The following POLA2 variants were observed in gnomAD, a reference collection of about 807,000 sequenced individuals.
The protein encoded by POLA2 is DNA polymerase alpha 2, accessory subunit.
POLA2 carries 47 observed loss-of-function variants against 82.8 expected under a neutral mutation model. The observed-to-expected ratio is 0.57, with a 90% CI of 0.45 to 0.72. The LOEUF (loss-of-function observed/expected upper bound fraction) is 0.72, where lower values mean the gene tolerates loss of function less well. Among genes scored for constraint, POLA2 ranks in the 30% least tolerant of loss-of-function variants. The probability of loss-of-function intolerance (pLI) is 0.00; values close to 1 mark genes in which losing one functional copy is unlikely to be tolerated. For missense variants in POLA2, 634 were observed against 728.1 expected, an observed-to-expected ratio of 0.87 and a Z score of 1.49; for synonymous variants, 287 against 286.8, an observed-to-expected ratio of 1.00 and a Z score of -0.01.
At chr11:65,266,481 G>A (rs1364224956) in intron 1 of POLA2, 101 bp from the exon 2 acceptor site, 4 of 1,261,282 alleles carry the variant, frequency 3.2e-6, no homozygotes, top group Non-Finnish European at 4.5e-6. Context: ...AATAGATTCT[G>A]AATAAACATT....
intron 11 of POLA2, 144 bp from the exon 12 acceptor site, chr11:65,288,906 C>G (rs1949726202): frequency 6.8e-6 from 5 of 732,952 alleles, no homozygotes; most frequent in Non-Finnish European, 9.1e-6. Flanking sequence ...AGCCCATCTG[C>G]TAACTGTCCC....
intron 13 of POLA2, among the ~76,000 whole-genome samples, chr11:65,292,841 G>A (rs1370316166): frequency 6.6e-6 from 1 of 152,230 alleles, no homozygotes; most frequent in Non-Finnish European, 1.5e-5. Context: ...AAGAGACAGA[G>A]ATGGAAGTGA....
intron 13 of POLA2, among the ~76,000 whole-genome samples, chr11:65,291,927 G>A (rs1330204733): frequency 6.6e-6 from 1 of 152,194 alleles, no homozygotes; most frequent in South Asian, 2.1e-4. Context: ...AGAGCATTAA[G>A]CTGAGTCATC....
At chr11:65,279,823 T>C (rs1949621562) in intron 7 of POLA2, 197 bp downstream of exon 7, 1 of 535,266 alleles carries the variant, frequency 1.9e-6, no homozygotes, top group East Asian at 3.2e-5. Context: ...AGAGAGTGAT[T>C]TTCTTCCCAC....
intron 10 of POLA2, among the ~76,000 whole-genome samples, chr11:65,285,133 C>T (rs2137556196): frequency 6.6e-6 from 1 of 151,960 alleles, no homozygotes; most frequent in South Asian, 2.1e-4. Flanking sequence ...AGGCCAGGCG[C>T]AGTGGTTCAC....
At chr11:65,282,350 T>G in intron 9 of POLA2, 129 bp from the exon 10 acceptor site, 1 of 740,124 alleles carries the variant, frequency 1.4e-6, no homozygotes, top group East Asian at 2.5e-5. Flanking sequence ...ATCCTTCCCC[T>G]GCCCTCTCGC....
rs556946803 is a variant in POLA2, at chr11:65,261,988, C to G, written c.-305C>G. On this transcript the variant is annotated 5_prime_UTR_variant, in exon 1 of 18. Transcript: ENST00000265465. ...GTTCTGCCACCGTCACTGAGAAGCTCAGCGGTAGCTTTTGGGAAGCAGGAC... is the reference window on the plus strand; with the variant it reads ...GTTCTGCCACCGTCACTGAGAAGCTGAGCGGTAGCTTTTGGGAAGCAGGAC... 66 of 456,234 alleles carry G rather than the reference C, an allele frequency of 1.4e-4. 3 individuals carry two copies. The South Asian group carries it at 1.8e-3, about 13-fold the overall frequency. The allele number at this position is 456,234 out of a possible 1,614,324, so 28.3% of individuals were successfully genotyped here.
In POLA2 at chr11:65,290,235, C is replaced by T. The variant is rs189352927; in HGVS notation, c.1244+363C>T. Among the ~76,000 whole-genome samples the T allele has an allele frequency of 9.8e-4, 136 of 138,156 alleles. No homozygotes were observed. The East Asian group carries it at 0.018, about 18-fold the overall frequency. 90.6% of individuals were successfully genotyped at this position (138,156 alleles called of 152,430 possible). A position where few individuals can be genotyped will look rare whatever the true frequency, so the allele number is the denominator to read the frequency against. On this transcript the variant is annotated intron_variant, in intron 13 of 17. Coordinates refer to ENST00000265465, the MANE Select transcript of POLA2 (RefSeq NM_002689.4). Reference sequence around the variant, plus strand: ...TGCACTCCAGCCTAGGCAAAAAGAGCGCAACTCCATCTCAAAAAAAAAAAA... The same window carrying T: ...TGCACTCCAGCCTAGGCAAAAAGAGTGCAACTCCATCTCAAAAAAAAAAAA...
At chr11:65,282,582 G>T in intron 10 of POLA2, 61 bp downstream of exon 10, 1 of 1,417,324 alleles carries the variant, frequency 7.1e-7, no homozygotes, top group Non-Finnish European at 1.0e-6. Context: ...GAGTCCAGGA[G>T]TGCAGTTTCC....
At chr11:65,282,742 A>G (rs567041610) in intron 10 of POLA2, among the ~76,000 whole-genome samples, 1 of 152,336 alleles carries the variant, frequency 6.6e-6, no homozygotes, top group South Asian at 2.1e-4. Context: ...TTCTGCCTAC[A>G]TGAAGCATGT....
intron 5 of POLA2, among the ~76,000 whole-genome samples, chr11:65,277,732 G>A (rs1949596566): frequency 6.6e-6 from 1 of 152,234 alleles, no homozygotes; most frequent in African/African-American, 2.4e-5. Flanking sequence ...AGGGCCTGCT[G>A]TAATGGATGG....
chr11:65,294,778 T>A, intron 15 of POLA2, 126 bp downstream of exon 15: 2 of 636,056 alleles, frequency 3.1e-6, no homozygotes, highest in Non-Finnish European at 5.4e-6. Context: ...CAGCAAGCTG[T>A]GCCAGACCCT....
downstream of POLA2, among the ~76,000 whole-genome samples, chr11:65,301,992 T>A (rs1197384511): frequency 6.6e-5 from 10 of 152,262 alleles, no homozygotes; most frequent in African/African-American, 2.4e-4. Flanking sequence ...CTGCCCCGCC[T>A]CTTCCCGGGG....
intron 11 of POLA2, among the ~76,000 whole-genome samples, chr11:65,288,512 G>GTTTT (rs572913995): frequency 5.8e-5 from 7 of 119,950 alleles, no homozygotes; most frequent in South Asian, 2.6e-4. Flanking sequence ...TTTGTTTTTT[G>GTTTT]TTTTTTTTTT....
intron 13 of POLA2, among the ~76,000 whole-genome samples, chr11:65,290,613 A>C (rs1949744941): frequency 6.6e-6 from 1 of 152,168 alleles, no homozygotes; most frequent in East Asian, 1.9e-4. Context: ...TTGAACTTCA[A>C]GTGCAAGTTA....
At chr11:65,268,357 ATT>A (rs905358336) in intron 3 of POLA2, among the ~76,000 whole-genome samples, 1 of 142,446 alleles carries the variant, frequency 7.0e-6, no homozygotes, top group Admixed American at 7.0e-5. Flanking sequence ...TATTATTATT[ATT>A]TTTTTTTTTT....
intron 15 of POLA2, among the ~76,000 whole-genome samples, chr11:65,295,076 T>A (rs142498080): frequency 6.6e-6 from 1 of 152,312 alleles, no homozygotes; most frequent in East Asian, 1.9e-4. Context: ...CTGCAGAGAA[T>A]CAGGCCCTGA....
rs1949642535 is a variant in POLA2, at chr11:65,281,651, G to A, written c.901-19G>A. The stretch of plus-strand genomic sequence containing the variant: ...TTGATCTCCACTGCTTAGCAATCCT[G>A]TTTGTTTTTGTCTTTCAGGTTGTAA... On this transcript the variant is annotated intron_variant, in intron 8 of 17. Transcript: ENST00000265465. 2 of 1,598,268 alleles carry A rather than the reference G, an allele frequency of 1.3e-6. No individual in the cohort carries two copies. The highest frequency in any genetic ancestry group is 1.7e-6 in the Non-Finnish European group (2 of 1,165,618).
In POLA2 at chr11:65,262,275, C is replaced by G. The variant is rs367947984; in HGVS notation, c.-18C>G. ...GGAGCTGGGTGGGCCGGCTCCCCGG[C>G]CCCTGGCTTGGGCGACCATGTCCGC... On this transcript the variant is annotated 5_prime_UTR_variant, in exon 1 of 18. Transcript: ENST00000265465. The G allele has an allele frequency of 2.5e-5, 40 of 1,607,760 alleles. No individual in the cohort carries two copies. The Middle Eastern group carries it at 7.0e-4, about 28-fold the overall frequency.
Sources: allele counts gnomAD v4.1 joint callset (sites outside exome capture counted in the v4.1 genomes callset), GRCh38; gene constraint gnomAD v4.1.1; transcripts MANE v1.5; gene names NCBI Gene and HGNC (gene_info 2026-07-23, HGNC 2026-07-21).